Variants in DGKB observed in about 807,000 individuals in gnomAD.
DGKB encodes the protein 90 kDa diacylglycerol kinase.
A neutral mutation model predicts 114.3 loss-of-function variants in DGKB; 67 were observed. The ratio of observed to expected loss-of-function variants is 0.59; its 90% confidence interval spans 0.48 to 0.72. DGKB has a LOEUF of 0.72. Ranked by LOEUF, DGKB falls within the 30% of genes least tolerant of loss-of-function variation. The pLI, the probability that DGKB is intolerant of heterozygous loss-of-function variation, is 0.00. For synonymous variants in DGKB, 398 were observed against 323.1 expected, an observed-to-expected ratio of 1.23 and a Z score of -2.49; for missense variants, 907 against 975.2, an observed-to-expected ratio of 0.93 and a Z score of 0.93.
chr7:14,487,070 C>T (rs970775003), intron 20 of DGKB, among the ~76,000 whole-genome samples: 3 of 152,158 alleles, frequency 2.0e-5, no homozygotes, highest in East Asian at 1.9e-4. Flanking sequence ...ACACATGCCA[C>T]GTACCGTGGT....
At chr7:14,875,180 A>G (rs1425685422) in intron 1 of DGKB, among the ~76,000 whole-genome samples, 2 of 152,180 alleles carry the variant, frequency 1.3e-5, no homozygotes, top group African/African-American at 2.4e-5. Context: ...TTTGATCAAT[A>G]TCACAGTAAG....
chr7:14,256,449 C>A (rs536852580), intron 23 of DGKB, among the ~76,000 whole-genome samples: 34 of 101,154 alleles, frequency 3.4e-4, no homozygotes, highest in African/African-American at 1.5e-3. Context: ...ATTTTTATTT[C>A]CATTCTAAAA....
chr7:14,846,397 C>T (rs1848631435), intron 1 of DGKB, among the ~76,000 whole-genome samples: 1 of 151,964 alleles, frequency 6.6e-6, no homozygotes, highest in South Asian at 2.1e-4. Context: ...TTTTCTTAGT[C>T]AAATCTTTTT....
At chr7:14,475,473 A>G (rs1782031348) in intron 21 of DGKB, among the ~76,000 whole-genome samples, 1 of 152,134 alleles carries the variant, frequency 6.6e-6, no homozygotes, top group Non-Finnish European at 1.5e-5. Context: ...ATAGATTGAA[A>G]CATACATGCC....
At chr7:14,968,097 G>T (rs1402471833) in intron 1 of DGKB, among the ~76,000 whole-genome samples, 2 of 151,556 alleles carry the variant, frequency 1.3e-5, no homozygotes, top group East Asian at 3.9e-4. Context: ...TTGCAAATAG[G>T]TAATAAATAT....
At chr7:14,470,729 C>G (rs1781155896) in intron 21 of DGKB, among the ~76,000 whole-genome samples, 1 of 151,672 alleles carries the variant, frequency 6.6e-6, no homozygotes, top group African/African-American at 2.4e-5. Flanking sequence ...AAGAGAATAT[C>G]TCATGAAATT....
chr7:14,807,820 T>A (rs1240050158), intron 2 of DGKB, among the ~76,000 whole-genome samples: 1 of 152,094 alleles, frequency 6.6e-6, no homozygotes, highest in Admixed American at 6.6e-5. Context: ...AAAAATTGTG[T>A]ATTATGAAAA....
At chr7:14,571,017 C>T (rs1798304330) in intron 20 of DGKB, among the ~76,000 whole-genome samples, 1 of 152,050 alleles carries the variant, frequency 6.6e-6, no homozygotes, top group Non-Finnish European at 1.5e-5. Context: ...AGCAGCATTC[C>T]TAACTTTACC....
intron 23 of DGKB, among the ~76,000 whole-genome samples, chr7:14,250,343 GT>G (rs1488080705): frequency 6.6e-6 from 1 of 151,668 alleles, no homozygotes; most frequent in African/African-American, 2.4e-5. Context: ...GTTTCAGTAG[GT>G]TTTGTTTCCA....
intron 15 of DGKB, among the ~76,000 whole-genome samples, chr7:14,617,145 T>C (rs1250592834): frequency 6.6e-6 from 1 of 151,740 alleles, no homozygotes; most frequent in Non-Finnish European, 1.5e-5. Flanking sequence ...CTGCCATCAA[T>C]GCCTTTCACT....
intron 2 of DGKB, among the ~76,000 whole-genome samples, chr7:14,828,403 C>G (rs1358025830): frequency 6.6e-6 from 1 of 152,128 alleles, no homozygotes; most frequent in East Asian, 1.9e-4. Flanking sequence ...TAAATCAACT[C>G]ATACGATGTG....
At chr7:14,597,570 T>C (rs1366610828) in intron 17 of DGKB, among the ~76,000 whole-genome samples, 1 of 152,192 alleles carries the variant, frequency 6.6e-6, no homozygotes, top group African/African-American at 2.4e-5. Flanking sequence ...ATTCAAGTTG[T>C]AGATTTCTAT....
chr7:14,937,073 C>CA (rs1230215441), intron 1 of DGKB, among the ~76,000 whole-genome samples: 5 of 101,490 alleles, frequency 4.9e-5, no homozygotes, highest in African/African-American at 1.4e-4. Context: ...CACACACACA[C>CA]ATCTTTTGTT....
intron 22 of DGKB, among the ~76,000 whole-genome samples, chr7:14,344,869 G>A (rs551419969): frequency 4.0e-4 from 61 of 151,702 alleles, no homozygotes; most frequent in Admixed American, 1.2e-3. Context: ...GAATGGAATG[G>A]AAAAGTATAC....
intron 21 of DGKB, among the ~76,000 whole-genome samples, chr7:14,404,615 C>G (rs79186856): frequency 2.0e-5 from 3 of 151,912 alleles, no homozygotes; most frequent in Non-Finnish European, 2.9e-5. Flanking sequence ...GAGCTGCAGC[C>G]TCGTTTTGAA....
At chr7:14,703,017 G>A (rs1190092480) in intron 6 of DGKB, among the ~76,000 whole-genome samples, 1 of 150,800 alleles carries the variant, frequency 6.6e-6, no homozygotes, top group African/African-American at 2.4e-5. Context: ...TTAAATATCT[G>A]TATTGTAAAT....
At chr7:14,762,495 C>G (rs921195405) in intron 2 of DGKB, among the ~76,000 whole-genome samples, 5 of 152,036 alleles carry the variant, frequency 3.3e-5, no homozygotes, top group Admixed American at 3.3e-4. Flanking sequence ...AGACCCTTTA[C>G]ATTAGTCTGA....
At chr7:14,408,462 A>G (rs1247850767) in intron 21 of DGKB, among the ~76,000 whole-genome samples, 2 of 152,122 alleles carry the variant, frequency 1.3e-5, no homozygotes, top group Admixed American at 1.3e-4. Context: ...GGTAAAATTA[A>G]CCACAATATT....
intron 2 of DGKB, among the ~76,000 whole-genome samples, chr7:14,772,818 C>T (rs1837613254): frequency 6.6e-6 from 1 of 152,122 alleles, no homozygotes; most frequent in Non-Finnish European, 1.5e-5. Flanking sequence ...TTTTCTTGTA[C>T]TTGGACATAG....
Sources: gnomAD v4.1 joint callset for allele counts (sites outside exome capture counted in the v4.1 genomes callset) on GRCh38, gnomAD v4.1.1 for gene constraint, MANE v1.5 for transcripts, NCBI Gene and HGNC (gene_info 2026-07-23, HGNC 2026-07-21) for gene names.